The following STT3B variants were observed in gnomAD, a reference collection of about 807,000 sequenced individuals.
STT3B encodes the protein STT3 oligosaccharyltransferase complex catalytic subunit B, also known as dolichyl-diphosphooligosaccharide--protein glycosyltransferase subunit STT3B.
A neutral mutation model predicts 96.8 loss-of-function variants in STT3B; 29 were observed. The ratio of observed to expected loss-of-function variants is 0.30; its 90% CI spans 0.22 to 0.41. The LOEUF (loss-of-function observed/expected upper bound fraction) is 0.41, where lower values mean the gene tolerates loss of function less well. Ranked by LOEUF, STT3B falls within the 10% of genes least tolerant of loss-of-function variation. STT3B has a pLI of 1.00. For synonymous variants in STT3B, 367 were observed against 360.0 expected (o/e 1.02, Z -0.22); for missense variants, 640 against 1,022.3 (o/e 0.63, Z 5.10).
intron 3 of STT3B, among the ~76,000 whole-genome samples, chr3:31,580,538 A>C (rs1440961148): frequency 6.6e-6 from 1 of 152,070 alleles, no homozygotes; most frequent in African/African-American, 2.4e-5. Context: ...TTCACTTTAG[A>C]GCTTGCATTT....
chr3:31,600,555 T>C (rs1306943302), intron 5 of STT3B, 96 bp downstream of exon 5: 1 of 521,598 alleles, frequency 1.9e-6, no homozygotes, highest in Non-Finnish European at 3.4e-6. Context: ...ATATTATGCA[T>C]GAAAAGGTAA....
intron 2 of STT3B, among the ~76,000 whole-genome samples, chr3:31,579,477 TAA>T (rs1173591549): frequency 1.8e-3 from 122 of 67,434 alleles, no homozygotes; most frequent in East Asian, 6.3e-3. Context: ...CCTGTTTTGA[TAA>T]AAAAAAAAAA....
chr3:31,580,295 TTAAA>T (rs1425151882), intron 3 of STT3B, among the ~76,000 whole-genome samples, 199 bp downstream of exon 3: 1 of 152,182 alleles, frequency 6.6e-6, no homozygotes, highest in Non-Finnish European at 1.5e-5. Flanking sequence ...AATATCCTTT[TTAAA>T]TAAGTCAGAA....
At chr3:31,599,913 T>A (rs1698891438) in intron 4 of STT3B, among the ~76,000 whole-genome samples, 1 of 152,182 alleles carries the variant, frequency 6.6e-6, no homozygotes, top group African/African-American at 2.4e-5. Flanking sequence ...TGAATTTTTT[T>A]TAGTTGTCAG....
At chr3:31,598,502 T>A (rs1321812173) in intron 4 of STT3B, among the ~76,000 whole-genome samples, 1 of 152,158 alleles carries the variant, frequency 6.6e-6, no homozygotes, top group African/African-American at 2.4e-5. Context: ...AGAAAGACTG[T>A]TCTTCTGGCC....
chr3:31,618,947 A>G (rs1699371828), intron 8 of STT3B, among the ~76,000 whole-genome samples: 1 of 151,568 alleles, frequency 6.6e-6, no homozygotes, highest in African/African-American at 2.4e-5. Context: ...TTATAATATA[A>G]CTTGTGCAGT....
At chr3:31,572,884 A>C (rs369341288) in intron 1 of STT3B, among the ~76,000 whole-genome samples, 1 of 152,330 alleles carries the variant, frequency 6.6e-6, no homozygotes, top group East Asian at 1.9e-4. Context: ...GTGAAGTACC[A>C]GATGCTGTGC....
intron 2 of STT3B, among the ~76,000 whole-genome samples, chr3:31,578,818 AG>A (rs1302715349): frequency 6.7e-6 from 1 of 150,090 alleles, no homozygotes; most frequent in Admixed American, 6.6e-5. Context: ...GTTAATAAAT[AG>A]AAAGTAAATA....
At chr3:31,573,182 A>G (rs1698197497) in intron 1 of STT3B, among the ~76,000 whole-genome samples, 1 of 152,142 alleles carries the variant, frequency 6.6e-6, no homozygotes, top group Admixed American at 6.6e-5. Context: ...AGATGAGACT[A>G]GAGTTATGTA....
At chr3:31,635,884 C>T in intron 15 of STT3B, 100 bp from the exon 16 acceptor site, 1 of 767,132 alleles carries the variant, frequency 1.3e-6, no homozygotes, top group East Asian at 2.7e-5. Context: ...GAGCAGAGAG[C>T]TTACTAAGTC....
chr3:31,624,235 C>G (rs1435008154), intron 11 of STT3B, among the ~76,000 whole-genome samples: 1 of 152,140 alleles, frequency 6.6e-6, no homozygotes, highest in Non-Finnish European at 1.5e-5. Context: ...CACTCTCCCC[C>G]GCCCCTGCCA....
At chr3:31,615,945 ACTC>A (rs144231705) in intron 6 of STT3B, among the ~76,000 whole-genome samples, 1,562 of 151,718 alleles carry the variant, frequency 0.01, 34 homozygotes, top group African/African-American at 0.035. Context: ...TTTTGCGACT[ACTC>A]CTTTAGTTTT....
intron 3 of STT3B, among the ~76,000 whole-genome samples, chr3:31,593,679 C>G (rs913683800): frequency 6.6e-6 from 1 of 151,906 alleles, no homozygotes; most frequent in Non-Finnish European, 1.5e-5. Flanking sequence ...ATTTTTTATT[C>G]CATTTATTAT....
chr3:31,537,967 A>AT (rs1697143797), intron 1 of STT3B, among the ~76,000 whole-genome samples: 1 of 152,138 alleles, frequency 6.6e-6, no homozygotes, highest in African/African-American at 2.4e-5. Flanking sequence ...TTTCCCCTCA[A>AT]TTTGTTTACT....
At chr3:31,634,185 T>A (rs1699716610) in intron 15 of STT3B, among the ~76,000 whole-genome samples, 1 of 152,220 alleles carries the variant, frequency 6.6e-6, no homozygotes, top group South Asian at 2.1e-4. Flanking sequence ...AAACTCATTA[T>A]CTTTAGGTAA....
chr3:31,570,900 G>A (rs563764555), intron 1 of STT3B, among the ~76,000 whole-genome samples: 99 of 152,178 alleles, frequency 6.5e-4, no homozygotes, highest in Non-Finnish European at 1.2e-3. Flanking sequence ...ATACCCTGGG[G>A]GATCCTGGGG....
rs368429029 is a variant in STT3B, at chr3:31,559,045, C to G, written c.315-17351C>G. 3.8e-4 allele frequency among the ~76,000 whole-genome samples: 53 copies of G among 141,138 alleles called. No individual in the cohort carries two copies. In the East Asian group the frequency reaches 0.011, roughly 28 times the overall value. The allele number at this position is 141,138 out of a possible 152,430, so 92.6% of individuals were successfully genotyped here. A position where few individuals can be genotyped will look rare whatever the true frequency, so the allele number is the denominator to read the frequency against. Reference sequence around the variant, plus strand: ...CATTTCTGATTATAGTTGGGTCTTTCTCTTTTTTCTTGGTTAGTCTAGGAA... The same window carrying G: ...CATTTCTGATTATAGTTGGGTCTTTGTCTTTTTTCTTGGTTAGTCTAGGAA... On this transcript the variant is annotated intron_variant, in intron 1 of 15. Transcript: ENST00000295770.
chr3:31,623,953 G>T, intron 11 of STT3B, 92 bp downstream of exon 11: 1 of 1,104,562 alleles, frequency 9.1e-7, no homozygotes, highest in Non-Finnish European at 1.3e-6. Context: ...AATGTTGTTT[G>T]TGAGATTCTG....
chr3:31,567,644 A>G (rs1463384703), intron 1 of STT3B, among the ~76,000 whole-genome samples: 3 of 152,126 alleles, frequency 2.0e-5, no homozygotes, highest in African/African-American at 7.2e-5. Flanking sequence ...TGCCACCTCA[A>G]AATTTGTTTT....
Sources: allele counts gnomAD v4.1 joint callset (sites outside exome capture counted in the v4.1 genomes callset), GRCh38; gene constraint gnomAD v4.1.1; transcripts MANE v1.5; gene names NCBI Gene and HGNC (gene_info 2026-07-23, HGNC 2026-07-21).